AKAP6: variants seen among roughly 807,000 people sequenced by gnomAD.
The protein encoded by AKAP6 is A-kinase anchor protein 6.
In AKAP6, 58 loss-of-function variants were observed where a neutral mutation model predicts 188.5. The observed-to-expected ratio is 0.31, with a 90% CI of 0.25 to 0.38. The LOEUF is 0.38. Among genes scored for constraint, AKAP6 ranks in the 10% least tolerant of loss-of-function variants. AKAP6 has a pLI of 1.00. For synonymous variants in AKAP6, 989 were observed against 998.6 expected (o/e 0.99, Z 0.18); for missense variants, 2,710 against 2,740.0 (o/e 0.99, Z 0.24).
intron 12 of AKAP6, among the ~76,000 whole-genome samples, chr14:32,781,348 CAAAA>C (rs34848067): frequency 8.5e-6 from 1 of 117,244 alleles, no homozygotes; most frequent in African/African-American, 3.0e-5. Context: ...AACTTACTCT[CAAAA>C]AAAAAAAAAA....
chr14:32,405,783 G>C (rs1025320780), intron 1 of AKAP6, among the ~76,000 whole-genome samples: 4 of 152,088 alleles, frequency 2.6e-5, no homozygotes, highest in African/African-American at 9.7e-5. Flanking sequence ...GCCACCCTGT[G>C]AAGAGGTGCC....
chr14:32,466,657 A>G (rs1465973528), intron 2 of AKAP6, among the ~76,000 whole-genome samples: 1 of 151,004 alleles, frequency 6.6e-6, no homozygotes, highest in Non-Finnish European at 1.5e-5. Context: ...ACGGGTTGAT[A>G]CATGCAGCAA....
intron 2 of AKAP6, among the ~76,000 whole-genome samples, chr14:32,491,013 T>C (rs2138944522): frequency 6.6e-6 from 1 of 152,330 alleles, no homozygotes; most frequent in South Asian, 2.1e-4. Context: ...CTACCTCAAA[T>C]ACCAGAAAAG....
At chr14:32,423,349 T>TTG (rs565305197) in intron 1 of AKAP6, among the ~76,000 whole-genome samples, 73 of 151,816 alleles carry the variant, frequency 4.8e-4, no homozygotes, top group African/African-American at 1.5e-3. Flanking sequence ...TTTTGTATTT[T>TTG]TGTGTGTGTG....
At chr14:32,567,306 T>C (rs1169478502) in intron 4 of AKAP6, among the ~76,000 whole-genome samples, 1 of 152,152 alleles carries the variant, frequency 6.6e-6, no homozygotes, top group Admixed American at 6.5e-5. Flanking sequence ...CTTTTGAAAA[T>C]TGGGTCTGTG....
intron 1 of AKAP6, among the ~76,000 whole-genome samples, chr14:32,369,635 T>C (rs1050403363): frequency 3.3e-5 from 5 of 152,234 alleles, no homozygotes; most frequent in African/African-American, 7.2e-5. Context: ...AATCTTTTCC[T>C]CAACAGGTGA....
chr14:32,658,564 T>C (rs1277551065), intron 7 of AKAP6, among the ~76,000 whole-genome samples: 1 of 152,074 alleles, frequency 6.6e-6, no homozygotes, highest in Admixed American at 6.6e-5. Context: ...AGGCTAATGT[T>C]AATTACCTAT....
chr14:32,477,496 A>G (rs1279432021), intron 2 of AKAP6, among the ~76,000 whole-genome samples: 1 of 152,120 alleles, frequency 6.6e-6, no homozygotes, highest in African/African-American at 2.4e-5. Context: ...TGGGGTTCGC[A>G]GTTCTCCCAA....
At chr14:32,502,311 T>C (rs910611342) in intron 2 of AKAP6, among the ~76,000 whole-genome samples, 14 of 152,244 alleles carry the variant, frequency 9.2e-5, no homozygotes, top group Admixed American at 3.9e-4. Flanking sequence ...AGACTGGTGG[T>C]AAAGAGTGAC....
In AKAP6 at chr14:32,600,644, T is replaced by C; in HGVS notation, c.2582T>C (p.Leu861Pro). Residue 861 changes from leucine to proline, a missense_variant, in exon 7 of 14, where the codon CTG becomes CCG. Transcript: ENST00000280979. ...TTTGGAGAAGGACTGAAGGACATGCTGCGGATGATTGCAAGTCAATGGAAG... is the reference window on the plus strand; with the variant it reads ...TTTGGAGAAGGACTGAAGGACATGCCGCGGATGATTGCAAGTCAATGGAAG... ...ASHKAGLKDM[L>P]RMIASQWKEL... 1.9e-6 allele frequency: 3 copies of C among 1,612,904 alleles called. No homozygotes were observed. The highest frequency in any genetic ancestry group is 2.5e-6 in the Non-Finnish European group (3 of 1,179,456).
At chr14:32,612,321 C>T (rs999597729) in intron 7 of AKAP6, among the ~76,000 whole-genome samples, 2 of 152,120 alleles carry the variant, frequency 1.3e-5, no homozygotes, top group Admixed American at 1.3e-4. Flanking sequence ...TTGTTTTACT[C>T]ACTTTACACG....
chr14:32,646,572 G>A (rs1184858193), intron 7 of AKAP6, among the ~76,000 whole-genome samples: 1 of 152,150 alleles, frequency 6.6e-6, no homozygotes, highest in Admixed American at 6.6e-5. Context: ...CAGTAAAGAT[G>A]TCCAGATTTC....
chr14:32,804,926 T>G (rs1014333971), intron 12 of AKAP6, among the ~76,000 whole-genome samples: 2 of 152,232 alleles, frequency 1.3e-5, no homozygotes, highest in Non-Finnish European at 2.9e-5. Context: ...ATGGCTCTTT[T>G]TGCCCAACCC....
rs1888457862 is a variant in AKAP6 at position 32,384,205 on chromosome 14, A to T, written c.-34-49255A>T. Among the ~76,000 whole-genome samples, 2 of 152,236 alleles carry T rather than the reference A, an allele frequency of 1.3e-5. 1 individual carries two copies. Among genetic ancestry groups the T allele is most frequent in the South Asian group, 4.1e-4 (2 of 4,834 alleles). ...GCCCAAGAGGAATGAATCTTTGGTC[A>T]GTGTGTTCCCTTCTTGCTAGAATAA... On this transcript the variant is annotated intron_variant, in intron 1 of 13. Transcript: ENST00000280979.
chr14:32,463,634 C>T (rs1878214962), intron 2 of AKAP6, among the ~76,000 whole-genome samples: 1 of 152,138 alleles, frequency 6.6e-6, no homozygotes, highest in Admixed American at 6.5e-5. Context: ...ACTAAATGCC[C>T]ACAGGATAAG....
rs74928155 is a variant in AKAP6, at chr14:32,548,932, C to T, written c.2346+1933C>T. ...GTTTTTTGTTTTTTTTACATCCATT[C>T]GTTGTCGAATACTACTCTGAGACCA... On this transcript the variant is annotated intron_variant, in intron 4 of 13. Coordinates refer to ENST00000280979, the MANE Select transcript of AKAP6 (RefSeq NM_004274.5). Among the ~76,000 whole-genome samples, 688 of 152,080 alleles carry T rather than the reference C, an allele frequency of 4.5e-3. 31 individuals are homozygous for T. In the East Asian group the frequency reaches 0.073, roughly 16 times the overall value.
At chr14:32,665,660 C>T (rs558697082) in intron 7 of AKAP6, among the ~76,000 whole-genome samples, 2 of 152,088 alleles carry the variant, frequency 1.3e-5, no homozygotes, top group South Asian at 4.1e-4. Context: ...GACTCACAAT[C>T]AGAAAGGCAG....
At chr14:32,465,367 CGTGGT>C (rs1276350240) in intron 2 of AKAP6, among the ~76,000 whole-genome samples, 21 of 121,642 alleles carry the variant, frequency 1.7e-4, no homozygotes, top group African/African-American at 7.6e-4. Context: ...ACCAAAACAG[CGTGGT>C]ACTGGTACCA....
In AKAP6 at chr14:32,588,607, CCTTTT is replaced by C. The variant is rs1885350694; in HGVS notation, c.2470-10802_2470-10798del. 2.6e-5 allele frequency among the ~76,000 whole-genome samples: 4 copies of C among 152,236 alleles called. 1 individual carries two copies. The highest frequency in any genetic ancestry group is 4.1e-4 in the South Asian group (2 of 4,824). On this transcript the variant is annotated intron_variant, in intron 5 of 13. Coordinates refer to ENST00000280979, the MANE Select transcript of AKAP6 (RefSeq NM_004274.5). ...ACACACCTTCCTGAACTTTGTTGTTCCTTTTAAGATTGATGCCTGCAATTTTAGGT... is the reference window on the plus strand; with the variant it reads ...ACACACCTTCCTGAACTTTGTTGTTCAAGATTGATGCCTGCAATTTTAGGT...
Sources: gnomAD v4.1 joint callset for allele counts (sites outside exome capture counted in the v4.1 genomes callset) on GRCh38, gnomAD v4.1.1 for gene constraint, MANE v1.5 for transcripts, NCBI Gene and HGNC (gene_info 2026-07-23, HGNC 2026-07-21) for gene names.